ARID1B: variants seen among roughly 807,000 people sequenced by gnomAD.
ARID1B encodes AT-rich interactive domain-containing protein 1B.
Under a neutral mutation model 212.3 loss-of-function variants are expected in ARID1B, and 30 were observed. The ratio of observed to expected loss-of-function variants is 0.14; its 90% CI spans 0.11 to 0.19. The LOEUF is 0.19. Ranked by LOEUF, ARID1B falls within the 10% of genes least tolerant of loss-of-function variation. The pLI, the probability that ARID1B is intolerant of heterozygous loss-of-function variation, is 1.00. For synonymous variants in ARID1B, 1,402 were observed against 1,301.7 expected (o/e 1.08, Z -1.66); for missense variants, 2,891 against 3,204.0 (o/e 0.90, Z 2.36).
At position 157,204,124 on chromosome 6, in the gene ARID1B, G is replaced by T. The variant is rs537343616; in HGVS notation, c.5394+128G>T. The T allele has an allele frequency of 1.4e-5, 17 of 1,209,958 alleles. No individual in the cohort carries two copies. In the East Asian group the frequency reaches 3.8e-4, roughly 27 times the overall value. 75.0% of individuals were successfully genotyped at this position (1,209,958 alleles called of 1,614,324 possible). On this transcript the variant is annotated intron_variant, in intron 19 of 19. Transcript: ENST00000636930. ...TCCAACACTGTTAATCACTGCAGTTGTTATCAACCAGCCTTAATCAATGTA... is the reference window on the plus strand; with the variant it reads ...TCCAACACTGTTAATCACTGCAGTTTTTATCAACCAGCCTTAATCAATGTA...
At chr6:156,975,864 G>A (rs1277872274) in intron 4 of ARID1B, among the ~76,000 whole-genome samples, 6 of 152,054 alleles carry the variant, frequency 3.9e-5, no homozygotes, top group Admixed American at 3.9e-4. Context: ...TTTCACCTGG[G>A]TGCAGGCGGG....
rs184196356 is a variant in ARID1B at position 156,964,489 on chromosome 6, A to G, written c.2247+28913A>G. 2.0e-3 allele frequency among the ~76,000 whole-genome samples: 307 copies of G among 152,310 alleles called. 1 individual carries two copies. The highest frequency in any genetic ancestry group is 6.7e-3 in the African/African-American group (278 of 41,572). ...GTGAGACCACAGAAAGGCTAATTTA[A>G]TATTCTATGTAGGGAAAATCAGGAT... is the stretch of plus-strand genomic sequence containing the variant. On this transcript the variant is annotated intron_variant, in intron 4 of 19. Transcript: ENST00000636930.
At chr6:156,783,900 A>G (rs1437586647) in intron 1 of ARID1B, among the ~76,000 whole-genome samples, 2 of 152,108 alleles carry the variant, frequency 1.3e-5, no homozygotes, top group African/African-American at 2.4e-5. Context: ...CACTCGTGTC[A>G]CTTTTGTTTT....
chr6:157,154,068 C>A (rs571895667), intron 8 of ARID1B, among the ~76,000 whole-genome samples: 1 of 152,292 alleles, frequency 6.6e-6, no homozygotes, highest in South Asian at 2.1e-4. Flanking sequence ...TAGATGGTAC[C>A]TGGTGATGTC....
chr6:157,018,494 G>A (rs756462505), intron 4 of ARID1B, among the ~76,000 whole-genome samples: 50 of 152,106 alleles, frequency 3.3e-4, no homozygotes, highest in African/African-American at 6.8e-4. Context: ...GATTACAGGC[G>A]TGAGCCACCG....
intron 4 of ARID1B, among the ~76,000 whole-genome samples, chr6:157,000,443 A>G (rs187270576): frequency 3.1e-4 from 47 of 152,350 alleles, no homozygotes; most frequent in Middle Eastern, 6.8e-3. Flanking sequence ...CATCCTGTGT[A>G]CTATGAACCA....
intron 2 of ARID1B, among the ~76,000 whole-genome samples, chr6:156,878,939 G>C (rs780288336): frequency 2.0e-5 from 3 of 152,242 alleles, no homozygotes; most frequent in African/African-American, 4.8e-5. Flanking sequence ...GGTGGAGGAA[G>C]TATTGTAGTG....
At chr6:157,178,407 G>A (rs769668608) in intron 11 of ARID1B, among the ~76,000 whole-genome samples, 16 of 152,086 alleles carry the variant, frequency 1.1e-4, no homozygotes, top group Non-Finnish European at 1.6e-4. Context: ...AAATAGTTAC[G>A]TGCAAAACAT....
In ARID1B at chr6:157,210,192, GAATTA is replaced by G. The variant is rs1794693309; in HGVS notation, c.*2304_*2308del. The G allele has an allele frequency of 4.3e-6, 1 of 231,776 alleles. No individual in the cohort carries two copies. Among genetic ancestry groups the G allele is most frequent in the African/African-American group, 2.2e-5 (1 of 45,230 alleles). The allele number at this position is 231,776 out of a possible 1,614,324, so 14.4% of individuals were successfully genotyped here. On this transcript the variant is annotated 3_prime_UTR_variant, in exon 20 of 20. Coordinates refer to ENST00000636930, the MANE Select transcript of ARID1B (RefSeq NM_001374828.1). ...ATAACAATGCAACCAAATATATGTT[GAATTA>G]AAGACCCATTTATAATTCTGCTTTA...
chr6:157,190,453 C>G lies in ARID1B; in HGVS notation c.4231+243C>G, dbSNP rs1453177951. Among the ~76,000 whole-genome samples, 2 of 152,248 alleles carry G rather than the reference C, an allele frequency of 1.3e-5. No homozygotes were observed. The highest frequency in any genetic ancestry group is 2.9e-5 in the Non-Finnish European group (2 of 68,050). Reference sequence around the variant, plus strand: ...GTTCCCTGGCACATGCTCCCTGTTTCCGGATACCTGCCACCTCCTTACACG... The same window carrying G: ...GTTCCCTGGCACATGCTCCCTGTTTGCGGATACCTGCCACCTCCTTACACG... On this transcript the variant is annotated intron_variant, in intron 15 of 19. Coordinates refer to ENST00000636930, the MANE Select transcript of ARID1B (RefSeq NM_001374828.1). The surrounding 1 kb of genome is among the most constrained non-coding windows in gnomAD (Gnocchi z 4.6).
intron 4 of ARID1B, among the ~76,000 whole-genome samples, chr6:157,074,058 C>A (rs1784156585): frequency 1.3e-5 from 2 of 152,048 alleles, no homozygotes; most frequent in African/African-American, 4.8e-5. Context: ...ATCCCCATCC[C>A]CCAAAACAAA....
At chr6:157,069,291 C>T (rs1361138406) in intron 4 of ARID1B, among the ~76,000 whole-genome samples, 1 of 152,074 alleles carries the variant, frequency 6.6e-6, no homozygotes, top group African/African-American at 2.4e-5. Context: ...GGTATGGGAA[C>T]CTTGCATTTA....
intron 4 of ARID1B, among the ~76,000 whole-genome samples, chr6:157,050,124 C>T (rs1782497765): frequency 6.6e-6 from 1 of 152,166 alleles, no homozygotes; most frequent in Non-Finnish European, 1.5e-5. Flanking sequence ...CTTCCATCCC[C>T]ACAGTTTCCA....
intron 11 of ARID1B, among the ~76,000 whole-genome samples, chr6:157,176,826 A>T (rs1184850536): frequency 2.0e-5 from 3 of 152,242 alleles, no homozygotes; most frequent in Admixed American, 6.5e-5. Flanking sequence ...AGCCTGGGCG[A>T]CAGAGTGAGA....
At chr6:156,841,777 A>T (rs1312030260) in intron 2 of ARID1B, among the ~76,000 whole-genome samples, 1 of 152,196 alleles carries the variant, frequency 6.6e-6, no homozygotes, top group Non-Finnish European at 1.5e-5. Flanking sequence ...AGGCATTGTT[A>T]TATAGTCATC....
intron 1 of ARID1B, among the ~76,000 whole-genome samples, chr6:156,791,200 G>T (rs957963534): frequency 1.3e-5 from 2 of 152,154 alleles, no homozygotes; most frequent in Non-Finnish European, 2.9e-5. Flanking sequence ...TTTTATTCTT[G>T]GTGCATCCAC....
chr6:156,854,686 G>A (rs371951930), intron 2 of ARID1B, among the ~76,000 whole-genome samples: 1 of 152,162 alleles, frequency 6.6e-6, no homozygotes, highest in African/African-American at 2.4e-5. Flanking sequence ...CCTGCCACGC[G>A]GAATTGTGTC....
chr6:156,829,152 T>C, intron 1 of ARID1B, 75 bp from the exon 2 acceptor site: 1 of 1,256,138 alleles, frequency 8.0e-7, no homozygotes, highest in Admixed American at 2.1e-5. Context: ...TTAATGCATA[T>C]GTTGACATAA....
chr6:156,827,223 A>G (rs182931543), intron 1 of ARID1B, among the ~76,000 whole-genome samples: 12 of 152,240 alleles, frequency 7.9e-5, no homozygotes, highest in Admixed American at 5.9e-4. Flanking sequence ...CCTGGATTTC[A>G]TATCAGAGCC....
Sources: gnomAD v4.1 joint callset for allele counts (sites outside exome capture counted in the v4.1 genomes callset) on GRCh38, gnomAD v4.1.1 for gene constraint, Gnocchi (gnomAD v3.1) non-coding constraint, MANE v1.5 for transcripts, NCBI Gene and HGNC (gene_info 2026-07-23, HGNC 2026-07-21) for gene names.